Variants in MYL6 observed in about 807,000 individuals in gnomAD.
MYL6 encodes myosin light chain 6.
MYL6 carries 20 observed loss-of-function variants against 20.3 expected under a neutral mutation model. The ratio of observed to expected loss-of-function variants is 0.98; its 90% CI spans 0.69 to 1.43. The LOEUF (loss-of-function observed/expected upper bound fraction) is 1.43, where lower values mean the gene tolerates loss of function less well. Among genes scored for constraint, MYL6 ranks in the 40% most tolerant of loss-of-function variants. The pLI is 0.00. For synonymous variants in MYL6, 77 were observed against 72.4 expected, an observed-to-expected ratio of 1.06 and a Z score of -0.32; for missense variants, 164 against 191.0, an observed-to-expected ratio of 0.86 and a Z score of 0.83.
At chr12:56,161,272 G>A in intron 6 of MYL6, 115 bp from the exon 7 acceptor site, 1 of 1,294,208 alleles carries the variant, frequency 7.7e-7, no homozygotes, top group Admixed American at 1.7e-5. Flanking sequence ...CCCAGGGTTG[G>A]TTGCTGTGGG....
intron 6 of MYL6, 92 bp from the exon 7 acceptor site, chr12:56,161,295 T>G: frequency 6.6e-7 from 1 of 1,506,232 alleles, no homozygotes; most frequent in Non-Finnish European, 9.2e-7. Flanking sequence ...TGTTCCCGCT[T>G]ATGCTACCTT....
Position 56,158,395 on chromosome 12 carries a change from A to G in MYL6, c.-7A>G. 1 of 1,523,634 alleles carries G rather than the reference A, an allele frequency of 6.6e-7. No homozygotes were observed. Among genetic ancestry groups the G allele is most frequent in the Non-Finnish European group, 8.8e-7 (1 of 1,138,916 alleles). The allele number at this position is 1,523,634 out of a possible 1,614,324, so 94.4% of individuals were successfully genotyped here. A position where few individuals can be genotyped will look rare whatever the true frequency, so the allele number is the denominator to read the frequency against. ...AGGAAAAGGTCCCGGAGAGCTGAGC[A>G]GTCAAGATGGTGGGGCCCAGGTCTT... On this transcript the variant is annotated 5_prime_UTR_variant, in exon 1 of 7. Transcript: ENST00000550697.
chr12:56,160,229 C>A lies in MYL6; in HGVS notation c.350-14C>A. 2 of 1,614,106 alleles carry A rather than the reference C, an allele frequency of 1.2e-6. No homozygotes were observed. Among genetic ancestry groups the A allele is most frequent in the Non-Finnish European group, 1.7e-6 (2 of 1,179,982 alleles). On this transcript the variant is annotated splice_polypyrimidine_tract_variant and intron_variant, in intron 4 of 6. Transcript: ENST00000550697. ...TGTCACCCAATTCCAAAAATGCTTT[C>A]TTTCCCCCTGCAGGTGAGAAGATGA... is the stretch of plus-strand genomic sequence containing the variant.
intron 2 of MYL6, 168 bp from the exon 3 acceptor site, chr12:56,159,417 CTT>C (rs1023954420): frequency 2.2e-4 from 192 of 881,872 alleles, no homozygotes; most frequent in Non-Finnish European, 3.1e-4. Context: ...ATATAGAACA[CTT>C]GAGTTGGGAG....
chr12:56,159,378 C>T (rs144978004), intron 2 of MYL6: 2 of 586,186 alleles, frequency 3.4e-6, no homozygotes, highest in African/African-American at 3.8e-5. Context: ...ATGGATGTTA[C>T]CAGGCTGCCA....
intron 2 of MYL6, 50 bp from the exon 3 acceptor site, chr12:56,159,537 G>C: frequency 1.3e-6 from 2 of 1,597,994 alleles, no homozygotes; most frequent in Admixed American, 3.4e-5. Flanking sequence ...TCTGAGGTAG[G>C]GTTTGGATTA....
chr12:56,161,280 G>T, intron 6 of MYL6, 107 bp from the exon 7 acceptor site: 2 of 1,378,888 alleles, frequency 1.5e-6, no homozygotes, highest in South Asian at 2.3e-5. Context: ...TGGTTGCTGT[G>T]GGCATGTTCC....
At chr12:56,160,568 AC>A in intron 5 of MYL6, 57 bp from the exon 6 acceptor site, 1 of 1,581,096 alleles carries the variant, frequency 6.3e-7, no homozygotes, top group Non-Finnish European at 8.7e-7. Flanking sequence ...CCACTGCCTG[AC>A]CCCTCACCCC....
chr12:56,158,605 G>C (rs1361836033), intron 1 of MYL6, 79 bp from the exon 2 acceptor site: 2 of 1,613,846 alleles, frequency 1.2e-6, no homozygotes, highest in East Asian at 4.5e-5. Flanking sequence ...AGAGTTTGTG[G>C]GTCAGAGTTT....
intron 3 of MYL6, 45 bp downstream of exon 3, chr12:56,159,775 C>G: frequency 6.3e-7 from 1 of 1,589,456 alleles, no homozygotes; most frequent in East Asian, 2.2e-5. Context: ...CATGGGCCCA[C>G]AGTTCTTCAG....
In MYL6 at chr12:56,160,462, A is replaced by AGCCCG. The variant is rs1565884029; in HGVS notation, c.427+143_427+144insCCCGG. 2.1e-6 allele frequency: 3 copies of AGCCCG among 1,419,258 alleles called. No individual in the cohort carries two copies. The African/African-American group carries it at 4.2e-5, about 20-fold the overall frequency. The allele number at this position is 1,419,258 out of a possible 1,614,324, so 87.9% of individuals were successfully genotyped here. On this transcript the variant is annotated intron_variant, in intron 5 of 6. Coordinates refer to ENST00000550697, the MANE Select transcript of MYL6 (RefSeq NM_021019.5). ...TGCAGGGCCCTGCCCAGCCCAGCCCAGGAGTGGGAGGTCAGGGCGGTATAA... is the reference window on the plus strand; with the variant it reads ...TGCAGGGCCCTGCCCAGCCCAGCCCAGCCCGGGAGTGGGAGGTCAGGGCGGTATAA...
At position 56,161,451 on chromosome 12, in the gene MYL6, C is replaced by G; in HGVS notation, c.*81C>G. The G allele has an allele frequency of 6.2e-7, 1 of 1,612,794 alleles. No individual in the cohort carries two copies. Among genetic ancestry groups the G allele is most frequent in the South Asian group, 1.1e-5 (1 of 91,052 alleles). Reference sequence around the variant, plus strand: ...AGTCTCCCCAGAGTCCGTGCCTTTCCCTGTGTGAATTTTGTATCTAGCCTA... The same window carrying G: ...AGTCTCCCCAGAGTCCGTGCCTTTCGCTGTGTGAATTTTGTATCTAGCCTA... On this transcript the variant is annotated 3_prime_UTR_variant, in exon 7 of 7. Transcript: ENST00000550697.
At chr12:56,159,266 A>AAGGAC in intron 2 of MYL6, 1 of 329,420 alleles carries the variant, frequency 3.0e-6, no homozygotes, top group Admixed American at 4.6e-5. Context: ...ACTTCCTTAT[A>AAGGAC]AGGACAGGAC....
At chr12:56,159,842 A>T (rs1592260797) in intron 3 of MYL6, 112 bp downstream of exon 3, 2 of 1,529,290 alleles carry the variant, frequency 1.3e-6, no homozygotes, top group Non-Finnish European at 1.8e-6. Context: ...TGGATTAGCA[A>T]ATCCCATGGA....
rs753261227 is a variant in MYL6, at chr12:56,158,383, G to C, written c.-19G>C. The C allele has an allele frequency of 2.2e-5, 33 of 1,519,778 alleles. No homozygotes were observed. Among genetic ancestry groups the C allele is most frequent in the Non-Finnish European group, 2.8e-5 (32 of 1,137,018 alleles). The allele number at this position is 1,519,778 out of a possible 1,614,324, so 94.1% of individuals were successfully genotyped here. A position where few individuals can be genotyped will look rare whatever the true frequency, so the allele number is the denominator to read the frequency against. The stretch of plus-strand genomic sequence containing the variant: ...AGCCATTACTGCAGGAAAAGGTCCC[G>C]GAGAGCTGAGCAGTCAAGATGGTGG... On this transcript the variant is annotated 5_prime_UTR_variant, in exon 1 of 7. Coordinates refer to ENST00000550697, the MANE Select transcript of MYL6 (RefSeq NM_021019.5).
At chr12:56,161,055 G>A (rs767902907) in intron 6 of MYL6, 27 of 563,574 alleles carry the variant, frequency 4.8e-5, no homozygotes, top group African/African-American at 3.6e-4. Flanking sequence ...CCCTTCCCTC[G>A]CTGGGCAGCT....
Position 56,160,327 on chromosome 12 carries a change from G to C in MYL6, c.427+7G>C, listed in dbSNP as rs75503023. 2,150 of 1,614,088 alleles carry C rather than the reference G, an allele frequency of 1.3e-3. 28 individuals carry two copies. The African/African-American group carries it at 0.026, about 19-fold the overall frequency. ...GGTTGTATCAACTATGAAGGTAAGA[G>C]GTGAACTGCGCTTTCTCAGAGAAAG... is the stretch of plus-strand genomic sequence containing the variant. On this transcript the variant is annotated splice_region_variant and intron_variant, in intron 5 of 6. Coordinates refer to ENST00000550697, the MANE Select transcript of MYL6 (RefSeq NM_021019.5).
In MYL6 at chr12:56,159,916, CCT is replaced by C. The variant is rs556515340; in HGVS notation, c.176-58_176-57del. 1,468 of 1,564,988 alleles carry C rather than the reference CCT, an allele frequency of 9.4e-4. 1 individual carries two copies. The highest frequency in any genetic ancestry group is 1.5e-3 in the Middle Eastern group (7 of 4,560). On this transcript the variant is annotated intron_variant, in intron 3 of 6. Transcript: ENST00000550697. ...TGTTCAGTTGAGGTCTCTATAATCC[CCT>C]GTCCTGAGAACTTGTGTTACTTCTC...
intron 3 of MYL6, 59 bp from the exon 4 acceptor site, chr12:56,159,916 C>T (rs1477337859): frequency 3.2e-6 from 5 of 1,564,872 alleles, no homozygotes; most frequent in Non-Finnish European, 8.6e-7. Flanking sequence ...TCTATAATCC[C>T]CTGTCCTGAG....
Sources: gnomAD v4.1 joint callset for allele counts on GRCh38, gnomAD v4.1.1 for gene constraint, MANE v1.5 for transcripts, NCBI Gene and HGNC (gene_info 2026-07-23, HGNC 2026-07-21) for gene names.